Variants in CMIP observed in about 807,000 individuals in gnomAD.
CMIP encodes C-Maf-inducing protein.
A neutral mutation model predicts 97.3 loss-of-function variants in CMIP; 13 were observed. The observed-to-expected ratio is 0.13, with a 90% CI of 0.09 to 0.21. The LOEUF (loss-of-function observed/expected upper bound fraction) is 0.21, where lower values mean the gene tolerates loss of function less well. CMIP is among the 10% of genes least tolerant of loss of function. The pLI is 1.00. For synonymous variants in CMIP, 538 were observed against 436.3 expected (o/e 1.23, Z -2.91); for missense variants, 847 against 1,024.9 (o/e 0.83, Z 2.37).
At chr16:81,496,854 A>G (rs1024273264) in intron 1 of CMIP, among the ~76,000 whole-genome samples, 5 of 152,276 alleles carry the variant, frequency 3.3e-5, no homozygotes, top group Non-Finnish European at 5.9e-5. Flanking sequence ...AAGGGGTCAA[A>G]GGACAAGTTC....
At chr16:81,696,302 A>C in intron 13 of CMIP, 1 of 561,784 alleles carries the variant, frequency 1.8e-6, no homozygotes, top group South Asian at 2.0e-5. Context: ...CAGCCAATCA[A>C]GCCGGGGCCT....
chr16:81,481,155 A>G (rs977757045), intron 1 of CMIP, among the ~76,000 whole-genome samples: 1 of 152,146 alleles, frequency 6.6e-6, no homozygotes. Flanking sequence ...TTCAACAAAT[A>G]TTGTTGAGAC....
chr16:81,691,909 T>G, intron 11 of CMIP, 69 bp downstream of exon 11: 3 of 1,324,970 alleles, frequency 2.3e-6, no homozygotes, highest in East Asian at 2.3e-5. Flanking sequence ...ACCAAGGCCT[T>G]AGTGGGGGGC....
chr16:81,540,682 G>A (rs1323019516), intron 1 of CMIP, among the ~76,000 whole-genome samples: 1 of 112,458 alleles, frequency 8.9e-6, no homozygotes, highest in Non-Finnish European at 2.0e-5. Flanking sequence ...GTGTGTGTGT[G>A]TGTTTGTTTT....
rs371322161 is a variant in CMIP at position 81,652,350 on chromosome 16, A to C, written c.625A>C (p.Lys209Gln). 1.2e-6 allele frequency: 2 copies of C among 1,613,522 alleles called. No homozygotes were observed. Among genetic ancestry groups the C allele is most frequent in the South Asian group, 2.2e-5 (2 of 91,032 alleles). ...CCAGGCCCCACTGGAAATCGTCTCG[A>C]AACTGCTCTCAGAGGTAAAACCCCT... Reference protein sequence around the residue: ...INQAPLEIVSKLLSENTNLTT... With the variant: ...INQAPLEIVSQLLSENTNLTT... The change falls in exon 4 of 21, where the codon AAA (lysine) becomes CAA (glutamine). Residue 209 changes from lysine (K) to glutamine (Q), a missense_variant. Physicochemically the swap from Lys to Gln is moderately conservative, Grantham distance 53. This residue lies in a region of CMIP where 285 missense variants were observed against 392.2 expected (regional missense o/e 0.73). Transcript: ENST00000537098. The surrounding 1 kb of genome is among the most constrained non-coding windows in gnomAD (Gnocchi z 5.2).
At chr16:81,502,089 G>A (rs938150683) in intron 1 of CMIP, among the ~76,000 whole-genome samples, 4 of 152,210 alleles carry the variant, frequency 2.6e-5, no homozygotes, top group African/African-American at 9.6e-5. Context: ...GCAGCCCTAA[G>A]GGGCAGCTAC....
intron 1 of CMIP, among the ~76,000 whole-genome samples, chr16:81,515,395 G>A (rs1223324875): frequency 1.3e-5 from 2 of 152,194 alleles, no homozygotes; most frequent in Admixed American, 6.5e-5. Flanking sequence ...GGGCACTGAC[G>A]TGTGTGGCGA....
chr16:81,696,866 C>G, intron 14 of CMIP, 199 bp downstream of exon 14: 1 of 601,282 alleles, frequency 1.7e-6, no homozygotes, highest in Middle Eastern at 4.2e-4. Context: ...ATCTGAGGCT[C>G]CAAGCCAAGC....
At position 81,614,694 on chromosome 16, in the gene CMIP, G is replaced by GTA. The variant is rs758372329; in HGVS notation, c.427-6181_427-6180insAT. Among the ~76,000 whole-genome samples, 10 of 151,858 alleles carry GTA rather than the reference G, an allele frequency of 6.6e-5. No individual in the cohort carries two copies. The highest frequency in any genetic ancestry group is 1.5e-4 in the Non-Finnish European group (10 of 67,944). On this transcript the variant is annotated intron_variant, in intron 2 of 20. Transcript: ENST00000537098. This position sits in a 1 kb window ranked among gnomAD's most constrained non-coding sequence, Gnocchi z 5.3. ...CTGTATGGTTTATGTGTGTGTGTGT[G>GTA]TGTATGGTATGTCTGCATGTGTGTG...
intron 1 of CMIP, among the ~76,000 whole-genome samples, chr16:81,463,535 C>T (rs1907016882): frequency 6.6e-6 from 1 of 152,190 alleles, no homozygotes; most frequent in Non-Finnish European, 1.5e-5. Flanking sequence ...GCATGGAGTC[C>T]TCTCTCCTCC....
At chr16:81,584,295 G>T (rs138170035) in intron 1 of CMIP, among the ~76,000 whole-genome samples, 1 of 152,170 alleles carries the variant, frequency 6.6e-6, no homozygotes, top group South Asian at 2.1e-4. Flanking sequence ...CAATGTGTCC[G>T]TAACACCTAG....
At chr16:81,588,706 C>G (rs1235404098) in intron 1 of CMIP, among the ~76,000 whole-genome samples, 1 of 152,158 alleles carries the variant, frequency 6.6e-6, no homozygotes, top group Non-Finnish European at 1.5e-5. Context: ...TTCTGTCTGT[C>G]TCCCCCAGCA....
intron 3 of CMIP, among the ~76,000 whole-genome samples, chr16:81,639,737 C>T (rs554291022): frequency 2.0e-5 from 3 of 152,216 alleles, no homozygotes; most frequent in Admixed American, 1.3e-4. Flanking sequence ...TTAAATATAC[C>T]GGCGCTCAAA....
At position 81,694,795 on chromosome 16, in the gene CMIP, G is replaced by A. The variant is rs546193511; in HGVS notation, c.1530+1308G>A. Among the ~76,000 whole-genome samples, 7 of 152,304 alleles carry A rather than the reference G, an allele frequency of 4.6e-5. No individual in the cohort carries two copies. The South Asian group carries it at 1.2e-3, about 27-fold the overall frequency. On this transcript the variant is annotated intron_variant, in intron 13 of 20. Coordinates refer to ENST00000537098, the MANE Select transcript of CMIP (RefSeq NM_198390.3). ...ACACTGAAAAACCGAGTTCTGGAGG[G>A]ATCTTGAAGACTCTAGTTCCAAAAC...
At chr16:81,697,887 G>A (rs1469321779) in intron 14 of CMIP, 2 of 152,618 alleles carry the variant, frequency 1.3e-5, no homozygotes, top group East Asian at 1.9e-4. Context: ...GCGCATCTAG[G>A]AACATGCCTG....
At chr16:81,659,614 C>T (rs891509404) in intron 5 of CMIP, among the ~76,000 whole-genome samples, 21 of 152,180 alleles carry the variant, frequency 1.4e-4, no homozygotes, top group African/African-American at 4.3e-4. Flanking sequence ...CTGCCTTCCT[C>T]TCCCTGCCAG....
chr16:81,543,497 C>G (rs984041151), intron 1 of CMIP, among the ~76,000 whole-genome samples: 5 of 152,170 alleles, frequency 3.3e-5, no homozygotes, highest in Non-Finnish European at 7.3e-5. Context: ...CCTTTTCCAG[C>G]AGAGCAGCAG....
chr16:81,699,638 G>A (rs1907164364), intron 14 of CMIP, 47 bp from the exon 15 acceptor site: 1 of 1,263,418 alleles, frequency 7.9e-7, no homozygotes, highest in African/African-American at 1.5e-5. Context: ...GCTGGAGGCT[G>A]GCACTGGGTG....
chr16:81,620,745 C>G, intron 2 of CMIP, 131 bp from the exon 3 acceptor site: 2 of 1,025,622 alleles, frequency 2.0e-6, no homozygotes, highest in Non-Finnish European at 2.9e-6. Context: ...TATCTTTCAG[C>G]AGGCTTGTTA....
Sources: gnomAD v4.1 joint callset for allele counts (sites outside exome capture counted in the v4.1 genomes callset) on GRCh38, gnomAD v4.1.1 for gene constraint, gnomAD v4.1.1 regional missense constraint, Gnocchi (gnomAD v3.1) non-coding constraint, MANE v1.5 for transcripts, NCBI Gene and HGNC (gene_info 2026-07-23, HGNC 2026-07-21) for gene names.